ABTB2: variants seen among roughly 807,000 people sequenced by gnomAD.
ABTB2 encodes ankyrin repeat and BTB domain containing 2, also known as ankyrin repeat and BTB/POZ domain-containing protein 2.
In ABTB2, 56 loss-of-function variants were observed where a neutral mutation model predicts 104.1. The observed-to-expected ratio is 0.54, with a 90% CI of 0.43 to 0.67. The LOEUF (loss-of-function observed/expected upper bound fraction) is 0.67. ABTB2 is among the 30% of genes least tolerant of loss of function. ABTB2 has a pLI of 0.00. For synonymous variants in ABTB2, 606 were observed against 608.2 expected (o/e 1.00, Z 0.05); for missense variants, 1,279 against 1,407.7 (o/e 0.91, Z 1.46).
intron 1 of ABTB2, among the ~76,000 whole-genome samples, chr11:34,341,908 C>A (rs1019310652): frequency 6.6e-6 from 1 of 152,192 alleles, no homozygotes; most frequent in Non-Finnish European, 1.5e-5. Flanking sequence ...ATTTTCCTCC[C>A]TTTAAGGAAA....
intron 1 of ABTB2, among the ~76,000 whole-genome samples, chr11:34,239,162 G>A (rs1010005063): frequency 2.0e-5 from 3 of 152,098 alleles, no homozygotes; most frequent in Non-Finnish European, 4.4e-5. Context: ...TCTGTGGGAC[G>A]ACAACACCTG....
At chr11:34,293,596 A>T (rs578251564) in intron 1 of ABTB2, among the ~76,000 whole-genome samples, 1 of 152,264 alleles carries the variant, frequency 6.6e-6, no homozygotes, top group African/African-American at 2.4e-5. Context: ...CCGGGAAGGA[A>T]TAAGTGCCCA....
intron 1 of ABTB2, among the ~76,000 whole-genome samples, chr11:34,259,583 A>T (rs1854164035): frequency 6.6e-6 from 1 of 152,150 alleles, no homozygotes; most frequent in Non-Finnish European, 1.5e-5. Flanking sequence ...CCTTTCCTTG[A>T]CTTTCAGATC....
At chr11:34,273,262 C>G (rs1008224229) in intron 1 of ABTB2, among the ~76,000 whole-genome samples, 1 of 152,156 alleles carries the variant, frequency 6.6e-6, no homozygotes, top group East Asian at 1.9e-4. Flanking sequence ...TGGAAGTGAG[C>G]CAAGGATACA....
At chr11:34,313,730 T>G (rs1216591159) in intron 1 of ABTB2, among the ~76,000 whole-genome samples, 1 of 152,250 alleles carries the variant, frequency 6.6e-6, no homozygotes, top group Non-Finnish European at 1.5e-5. Flanking sequence ...ATAGAGGTTA[T>G]GATAGGACTT....
At chr11:34,265,969 C>CA (rs1293490102) in intron 1 of ABTB2, among the ~76,000 whole-genome samples, 3 of 152,226 alleles carry the variant, frequency 2.0e-5, no homozygotes, top group Non-Finnish European at 2.9e-5. Flanking sequence ...AACTCCATCT[C>CA]AAAAAACAGA....
In ABTB2 at chr11:34,269,272, G is replaced by A. The variant is rs117105625; in HGVS notation, c.884-64582C>T. 4.9e-3 allele frequency among the ~76,000 whole-genome samples: 747 copies of A among 152,324 alleles called. 9 individuals carry two copies. The highest frequency in any genetic ancestry group is 0.017 in the African/African-American group (710 of 41,570). ...TGGAGCTCAGAGGATGGAAGCACTC[G>A]ATAGGAATTAAACTGGGAGAAATTC... On this transcript the variant is annotated intron_variant, in intron 1 of 16. Coordinates refer to ENST00000435224, the MANE Select transcript of ABTB2 (RefSeq NM_145804.3).
chr11:34,356,958 C>G lies in ABTB2; in HGVS notation c.626G>C (p.Arg209Pro). Reference protein sequence around the residue: ...ARCGLTFSVGRFFRWMVDTRI... With the variant: ...ARCGLTFSVGPFFRWMVDTRI... ...GGTGTCCACCATCCAGCGGAAAAAG[C>G]GACCCACTGAGAAGGTGAGGCCGCA... The change falls in exon 1 of 17, where the codon CGC becomes CCC. Residue 209 changes from arginine (R) to proline (P), a missense_variant. Transcript: ENST00000435224. The surrounding 1 kb of genome is among the most constrained non-coding windows in gnomAD (Gnocchi z 4.6). The G allele has an allele frequency of 6.3e-7, 1 of 1,598,212 alleles. No homozygotes were observed. The highest frequency in any genetic ancestry group is 8.5e-7 in the Non-Finnish European group (1 of 1,173,238).
rs193101068 is a variant in ABTB2, at chr11:34,179,487, G to C, written c.1245-6180C>G. ...GCACAGAGCTGGCATTTCGCCCCTG[G>C]TGGCACACGGTCTGGTGAATCCTAG... On this transcript the variant is annotated intron_variant, in intron 3 of 16. Transcript: ENST00000435224. 1.1e-4 allele frequency among the ~76,000 whole-genome samples: 16 copies of C among 152,296 alleles called. No individual in the cohort carries two copies. In the East Asian group the frequency reaches 3.1e-3, roughly 29 times the overall value.
chr11:34,201,007 C>T (rs1228328364), intron 2 of ABTB2, among the ~76,000 whole-genome samples: 1 of 152,188 alleles, frequency 6.6e-6, no homozygotes, highest in Non-Finnish European at 1.5e-5. Flanking sequence ...TTGCATTTCA[C>T]ATGTCTTATT....
intron 3 of ABTB2, among the ~76,000 whole-genome samples, chr11:34,182,111 G>T (rs905391363): frequency 1.3e-5 from 2 of 152,242 alleles, no homozygotes; most frequent in Non-Finnish European, 2.9e-5. Flanking sequence ...CTTTGGGAAG[G>T]TCAGGGCTGG....
rs774589445 is a variant in ABTB2 at position 34,204,554 on chromosome 11, G to T, written c.1020C>A (p.Ile340=). The change falls in exon 2 of 17, where the codon ATC becomes ATA. Residue 340 remains isoleucine (I), a synonymous_variant. Transcript: ENST00000435224. The part of the protein sequence containing the change: ...QSLLATCVGS[I]SELSDLVSRA... The stretch of plus-strand genomic sequence containing the variant: ...TGAGGCCACACTTACTCAGCTCCGA[G>T]ATGCTGCCCACGCAGGTGGCCAGGA... 3 of 1,610,684 alleles carry T rather than the reference G, an allele frequency of 1.9e-6. No individual in the cohort carries two copies. In the Admixed American group the frequency reaches 5.0e-5, roughly 27 times the overall value.
chr11:34,355,817 G>C (rs1156375063), intron 1 of ABTB2, among the ~76,000 whole-genome samples: 1 of 152,190 alleles, frequency 6.6e-6, no homozygotes, highest in Non-Finnish European at 1.5e-5. Context: ...CAGGGAAAAG[G>C]TCATGTGCTT....
intron 1 of ABTB2, among the ~76,000 whole-genome samples, chr11:34,316,843 G>A (rs945407462): frequency 1.3e-5 from 2 of 152,160 alleles, no homozygotes; most frequent in African/African-American, 4.8e-5. Flanking sequence ...CCAAGACAGT[G>A]GTAGCACAGA....
At position 34,252,455 on chromosome 11, in the gene ABTB2, A is replaced by G. The variant is rs774546237; in HGVS notation, c.884-47765T>C. Among the ~76,000 whole-genome samples, 1 of 152,092 alleles carries G rather than the reference A, an allele frequency of 6.6e-6. No homozygotes were observed. The highest frequency in any genetic ancestry group is 1.5e-5 in the Non-Finnish European group (1 of 68,020). ...CACAGGGGGAGAGTGCCATCTGGAC[A>G]TCATGACCTCCCCACCACCGCTGGG... On this transcript the variant is annotated intron_variant, in intron 1 of 16. Transcript: ENST00000435224. The surrounding 1 kb of genome is among the most constrained non-coding windows in gnomAD (Gnocchi z 5.5).
chr11:34,231,054 C>G (rs186989206), intron 1 of ABTB2, among the ~76,000 whole-genome samples: 107 of 152,164 alleles, frequency 7.0e-4, no homozygotes, highest in South Asian at 3.5e-3. Context: ...GGAACCAGAG[C>G]TCCTTCGAGA....
At chr11:34,280,079 C>T (rs1854432394) in intron 1 of ABTB2, among the ~76,000 whole-genome samples, 1 of 152,108 alleles carries the variant, frequency 6.6e-6, no homozygotes, top group South Asian at 2.1e-4. Flanking sequence ...TCTCTAAATG[C>T]TTTTCATAAA....
chr11:34,354,029 C>T (rs938936879), intron 1 of ABTB2, among the ~76,000 whole-genome samples: 1 of 152,202 alleles, frequency 6.6e-6, no homozygotes, highest in Non-Finnish European at 1.5e-5. Flanking sequence ...TGCCCCTCTA[C>T]TAAACATTCA....
chr11:34,186,072 C>T (rs971861723), intron 3 of ABTB2, among the ~76,000 whole-genome samples: 2 of 152,204 alleles, frequency 1.3e-5, no homozygotes, highest in African/African-American at 2.4e-5. Flanking sequence ...TGGAAGGAGG[C>T]GTGATGGAGA....
Sources: allele counts gnomAD v4.1 joint callset (sites outside exome capture counted in the v4.1 genomes callset), GRCh38; gene constraint gnomAD v4.1.1; non-coding constraint Gnocchi (gnomAD v3.1); transcripts MANE v1.5; gene names NCBI Gene and HGNC (gene_info 2026-07-23, HGNC 2026-07-21).